Variants in C19orf47 observed in about 807,000 individuals in gnomAD.
The protein encoded by C19orf47 is chromosome 19 open reading frame 47.
Under a neutral mutation model 32.3 loss-of-function variants are expected in C19orf47, and 18 were observed. The observed-to-expected ratio is 0.56, with a 90% CI of 0.39 to 0.83. The LOEUF (loss-of-function observed/expected upper bound fraction) is 0.83, where lower values mean the gene tolerates loss of function less well. Among genes scored for constraint, C19orf47 ranks in the 40% least tolerant of loss-of-function variants. The pLI, the probability that C19orf47 is intolerant of heterozygous loss-of-function variation, is 0.00. For missense variants in C19orf47, 484 were observed against 531.6 expected, an observed-to-expected ratio of 0.91 and a Z score of 0.88; for synonymous variants, 202 against 211.1, an observed-to-expected ratio of 0.96 and a Z score of 0.37.
the C19orf47 span, among the ~76,000 whole-genome samples, chr19:40,297,930 G>C: frequency 6.6e-6 from 1 of 150,506 alleles, no homozygotes; most frequent in Non-Finnish European, 1.5e-5. Context: ...CCAGCTACTC[G>C]GGAGGCTGAG....
chr19:40,306,591 C>T, the C19orf47 span, among the ~76,000 whole-genome samples: 1 of 151,408 alleles, frequency 6.6e-6, no homozygotes, highest in East Asian at 2.0e-4. Flanking sequence ...TTAATAGAGA[C>T]GGGATTTCAC....
chr19:40,336,418 G>C lies in C19orf47; in HGVS notation c.20-11C>G. The C allele has an allele frequency of 6.2e-7, 1 of 1,609,148 alleles. No individual in the cohort carries two copies. Among genetic ancestry groups the C allele is most frequent in the Non-Finnish European group, 8.5e-7 (1 of 1,177,314 alleles). On this transcript the variant is annotated splice_polypyrimidine_tract_variant and intron_variant, in intron 2 of 8. Transcript: ENST00000683109. Reference sequence around the variant, plus strand: ...TCCACTCGGAAGTGGCTGTGGGGTTGGACAGGGCTCATTACTCACACTGTC... The same window carrying C: ...TCCACTCGGAAGTGGCTGTGGGGTTCGACAGGGCTCATTACTCACACTGTC...
intron 1 of C19orf47, among the ~76,000 whole-genome samples, chr19:40,344,923 G>C (rs2078243806): frequency 1.3e-5 from 2 of 152,142 alleles, no homozygotes; most frequent in South Asian, 4.1e-4. Context: ...AGTGGCTCAG[G>C]CCTGTCATCC....
chr19:40,295,387 G>A, the C19orf47 span, among the ~76,000 whole-genome samples: 2 of 151,806 alleles, frequency 1.3e-5, no homozygotes, highest in South Asian at 4.2e-4. Context: ...GGATATAACA[G>A]CTAGTCTTAG....
the C19orf47 span, among the ~76,000 whole-genome samples, chr19:40,295,022 TTTC>T: frequency 1.3e-5 from 2 of 152,192 alleles, no homozygotes; most frequent in African/African-American, 4.8e-5. Flanking sequence ...AGGTCTTTGC[TTTC>T]TTTTTTTCTT....
At chr19:40,310,778 T>G in the C19orf47 span, among the ~76,000 whole-genome samples, 1 of 152,198 alleles carries the variant, frequency 6.6e-6, no homozygotes, top group African/African-American at 2.4e-5. Flanking sequence ...TACAGATATT[T>G]CTGGGGGAAC....
At position 40,324,422 on chromosome 19, in the gene C19orf47, C is replaced by T. The variant is rs989172575; in HGVS notation, c.593-346G>A. 4 of 331,130 alleles carry T rather than the reference C, an allele frequency of 1.2e-5. No homozygotes were observed. The South Asian group carries it at 2.6e-4, about 21-fold the overall frequency. The allele number at this position is 331,130 out of a possible 1,614,324, so 20.5% of individuals were successfully genotyped here. ...AGAATCTGATGAGTGGTAGTGCATC[C>T]TCCCCTAAATTATAACCTAATAGCC... is the stretch of plus-strand genomic sequence containing the variant. On this transcript the variant is annotated intron_variant, in intron 7 of 8. Transcript: ENST00000683109.
At chr19:40,323,333 A>C (rs1399901312) in intron 8 of C19orf47, among the ~76,000 whole-genome samples, 1 of 152,256 alleles carries the variant, frequency 6.6e-6, no homozygotes, top group Non-Finnish European at 1.5e-5. Flanking sequence ...AGGTGGGTCT[A>C]TACAGATGAG....
At chr19:40,303,399 T>C in the C19orf47 span, among the ~76,000 whole-genome samples, 1 of 150,830 alleles carries the variant, frequency 6.6e-6, no homozygotes, top group African/African-American at 2.4e-5. Context: ...GGTGGGCACC[T>C]GTAGTCCCAG....
the C19orf47 span, among the ~76,000 whole-genome samples, chr19:40,309,206 T>G: frequency 3.3e-5 from 5 of 151,734 alleles, no homozygotes; most frequent in Admixed American, 6.6e-5. Context: ...TTTTTTTTTT[T>G]TTTGAGACAC....
intron 7 of C19orf47, among the ~76,000 whole-genome samples, chr19:40,325,394 G>A (rs2077809007): frequency 6.6e-6 from 1 of 151,796 alleles, no homozygotes; most frequent in Non-Finnish European, 1.5e-5. Flanking sequence ...TTGGAAAGGT[G>A]AAGCAGGCAG....
chr19:40,341,069 C>G (rs1286299718), intron 2 of C19orf47, among the ~76,000 whole-genome samples: 1 of 151,768 alleles, frequency 6.6e-6, no homozygotes, highest in Non-Finnish European at 1.5e-5. Flanking sequence ...CGCGGTGGCT[C>G]ATGCCTGTAA....
At chr19:40,308,080 G>A in the C19orf47 span, among the ~76,000 whole-genome samples, 3 of 152,094 alleles carry the variant, frequency 2.0e-5, no homozygotes, top group African/African-American at 4.8e-5. Context: ...GTTTAAGGAT[G>A]GCCAGGATAT....
chr19:40,328,574 G>A (rs778221261), intron 5 of C19orf47, 24 bp from the exon 6 acceptor site: 43 of 1,584,524 alleles, frequency 2.7e-5, no homozygotes, highest in South Asian at 1.4e-4. Context: ...AGGAGAGTCC[G>A]GTCGGGTGGG....
At chr19:40,332,779 T>A (rs2077981081) in intron 5 of C19orf47, 2 of 152,238 alleles carry the variant, frequency 1.3e-5, no homozygotes, top group Non-Finnish European at 2.9e-5. Flanking sequence ...GCTTTCACTG[T>A]CATTCACAGA....
the C19orf47 span, among the ~76,000 whole-genome samples, chr19:40,294,114 C>T: frequency 4.5e-3 from 684 of 152,078 alleles, 3 homozygotes; most frequent in Non-Finnish European, 7.1e-3. Context: ...AGCAATAATC[C>T]GTCTCCAAAA....
At chr19:40,315,155 C>T (rs913866362), downstream of C19orf47, among the ~76,000 whole-genome samples, 1 of 152,110 alleles carries the variant, frequency 6.6e-6, no homozygotes, top group African/African-American at 2.4e-5. Flanking sequence ...GATCCTGGAA[C>T]AGTAAAATAC....
the C19orf47 span, among the ~76,000 whole-genome samples, chr19:40,301,107 G>A: frequency 8.5e-5 from 13 of 152,182 alleles, no homozygotes; most frequent in Non-Finnish European, 1.8e-4. Context: ...AGGTTACACT[G>A]AACCGAGGCA....
chr19:40,334,994 A>AAGGGAAGGAGGG (rs2078031638), intron 4 of C19orf47: 1 of 115,892 alleles, frequency 8.6e-6, no homozygotes, highest in South Asian at 3.6e-4. Context: ...GGAAGGGAGA[A>AAGGGAAGGAGGG]AGGGAAGGAG....
Sources: allele counts gnomAD v4.1 joint callset (sites outside exome capture counted in the v4.1 genomes callset), GRCh38; gene constraint gnomAD v4.1.1; transcripts MANE v1.5; gene names NCBI Gene and HGNC (gene_info 2026-07-23, HGNC 2026-07-21).